CLSTN2: variants seen among roughly 807,000 people sequenced by gnomAD.
The protein encoded by CLSTN2 is calsyntenin-2.
A neutral mutation model predicts 101.2 loss-of-function variants in CLSTN2; 48 were observed. That is an observed-to-expected ratio of 0.47 (90% CI 0.38 to 0.60). The LOEUF (loss-of-function observed/expected upper bound fraction) is 0.60. Among genes scored for constraint, CLSTN2 ranks in the 20% least tolerant of loss-of-function variants. CLSTN2 has a pLI of 0.00. For synonymous variants in CLSTN2, 481 were observed against 463.6 expected, an observed-to-expected ratio of 1.04 and a Z score of -0.48; for missense variants, 1,160 against 1,238.2, an observed-to-expected ratio of 0.94 and a Z score of 0.95.
At chr3:139,967,484 G>T (rs1935620563) in intron 1 of CLSTN2, among the ~76,000 whole-genome samples, 1 of 152,260 alleles carries the variant, frequency 6.6e-6, no homozygotes, top group South Asian at 2.1e-4. Context: ...GCCAGGGAAT[G>T]GTCATGGCTG....
rs540766420 is a variant in CLSTN2 at position 140,364,344 on chromosome 3, A to C, written c.233-39285A>C. Among the ~76,000 whole-genome samples, 9 of 152,246 alleles carry C rather than the reference A, an allele frequency of 5.9e-5. No individual in the cohort carries two copies. In the East Asian group the frequency reaches 1.7e-3, roughly 29 times the overall value. On this transcript the variant is annotated intron_variant, in intron 2 of 16. Coordinates refer to ENST00000458420, the MANE Select transcript of CLSTN2 (RefSeq NM_022131.3). ...GGCTTGATGGATTCTGTCCTAGGGT[A>C]TCATTCCCTTCTAAGAACACGAGTT...
intron 2 of CLSTN2, among the ~76,000 whole-genome samples, chr3:140,212,911 C>G (rs970041649): frequency 6.6e-6 from 1 of 152,178 alleles, no homozygotes; most frequent in Non-Finnish European, 1.5e-5. Flanking sequence ...ATTGCTGGCT[C>G]TCTAGCATAG....
In CLSTN2 at chr3:140,385,567, CG is replaced by C. The variant is rs1194870264; in HGVS notation, c.233-18058del. 3.3e-5 allele frequency among the ~76,000 whole-genome samples: 5 copies of C among 151,720 alleles called. No individual in the cohort carries two copies. The East Asian group carries it at 9.7e-4, about 30-fold the overall frequency. ...GTTGTTGTTGTATTTTTAGTAGAGACGGGGTTTCACCGTGTTATCCAGGATG... is the reference window on the plus strand; with the variant it reads ...GTTGTTGTTGTATTTTTAGTAGAGACGGGTTTCACCGTGTTATCCAGGATG... On this transcript the variant is annotated intron_variant, in intron 2 of 16. Transcript: ENST00000458420.
At position 140,490,115 on chromosome 3, in the gene CLSTN2, TATACACACAC is replaced by T. The variant is rs1934322871; in HGVS notation, c.1344+23386_1344+23395del. On this transcript the variant is annotated intron_variant, in intron 8 of 16. Transcript: ENST00000458420. ...ATATATATATATATATATATATATA[TATACACACAC>T]ACACACACACACACACACACACACA... is the stretch of plus-strand genomic sequence containing the variant. 1.5e-3 allele frequency among the ~76,000 whole-genome samples: 12 copies of T among 7,756 alleles called. 3 individuals carry two copies. The highest frequency in any genetic ancestry group is 2.6e-3 in the African/African-American group (4 of 1,552). The allele number at this position is 7,756 out of a possible 152,430, so 5.1% of individuals were successfully genotyped here. A position where few individuals can be genotyped will look rare whatever the true frequency, so the allele number is the denominator to read the frequency against.
intron 2 of CLSTN2, among the ~76,000 whole-genome samples, chr3:140,337,461 T>TG (rs1351357435): frequency 6.6e-6 from 1 of 152,198 alleles, no homozygotes; most frequent in Non-Finnish European, 1.5e-5. Context: ...CCAGTTATAT[T>TG]GGAATAGGGC....
intron 1 of CLSTN2, among the ~76,000 whole-genome samples, chr3:140,026,242 T>G (rs1458546547): frequency 6.6e-6 from 1 of 152,128 alleles, no homozygotes; most frequent in African/African-American, 2.4e-5. Flanking sequence ...GACTGTAGAT[T>G]TATAGGGAAG....
chr3:140,203,321 T>G (rs2010741614), intron 2 of CLSTN2, among the ~76,000 whole-genome samples: 2 of 152,086 alleles, frequency 1.3e-5, no homozygotes, highest in African/African-American at 4.8e-5. Context: ...CTGATTGAAC[T>G]TGCTCAGTAG....
At chr3:140,018,869 A>T (rs904763403) in intron 1 of CLSTN2, among the ~76,000 whole-genome samples, 1 of 152,170 alleles carries the variant, frequency 6.6e-6, no homozygotes, top group African/African-American at 2.4e-5. Flanking sequence ...TGTTCAACTT[A>T]TGTGTTCTCT....
At chr3:139,955,938 G>A (rs913968322) in intron 1 of CLSTN2, among the ~76,000 whole-genome samples, 5 of 152,174 alleles carry the variant, frequency 3.3e-5, no homozygotes, top group Non-Finnish European at 7.4e-5. Flanking sequence ...GGGGGTGGTA[G>A]GACCCTGAGG....
intron 1 of CLSTN2, among the ~76,000 whole-genome samples, chr3:140,136,254 A>C (rs1188107351): frequency 6.6e-6 from 1 of 152,176 alleles, no homozygotes; most frequent in Non-Finnish European, 1.5e-5. Flanking sequence ...TGTAGCTGGC[A>C]CTAATGTGGT....
intron 1 of CLSTN2, among the ~76,000 whole-genome samples, chr3:140,060,972 C>T (rs544724862): frequency 3.3e-5 from 5 of 152,232 alleles, no homozygotes; most frequent in East Asian, 1.9e-4. Context: ...GAGGAGTTAA[C>T]GATCAGGACC....
At chr3:139,997,057 A>AG (rs901844401) in intron 1 of CLSTN2, among the ~76,000 whole-genome samples, 14 of 146,096 alleles carry the variant, frequency 9.6e-5, no homozygotes, top group East Asian at 4.1e-4. Context: ...CAAAAAAAAA[A>AG]AAAAAAAAAG....
At chr3:140,517,600 G>A (rs1463263519) in intron 8 of CLSTN2, among the ~76,000 whole-genome samples, 1 of 152,128 alleles carries the variant, frequency 6.6e-6, no homozygotes, top group African/African-American at 2.4e-5. Context: ...CCTGGATCTA[G>A]CCACCCAGCA....
chr3:140,505,426 G>C (rs1313959869), intron 8 of CLSTN2, among the ~76,000 whole-genome samples: 1 of 152,170 alleles, frequency 6.6e-6, no homozygotes, highest in Non-Finnish European at 1.5e-5. Flanking sequence ...GCAGCCATGT[G>C]GTTGAAGGAG....
At chr3:140,317,663 T>C (rs113699914) in intron 2 of CLSTN2, among the ~76,000 whole-genome samples, 111 of 152,310 alleles carry the variant, frequency 7.3e-4, no homozygotes, top group African/African-American at 2.4e-3. Flanking sequence ...ACTCTCTGAA[T>C]ACTATAAAGG....
chr3:140,316,233 G>A (rs1041158413), intron 2 of CLSTN2, among the ~76,000 whole-genome samples: 1 of 152,280 alleles, frequency 6.6e-6, no homozygotes, highest in Admixed American at 6.5e-5. Flanking sequence ...CAGCACAGGA[G>A]GCTGGCATGA....
intron 1 of CLSTN2, among the ~76,000 whole-genome samples, chr3:140,082,133 A>T (rs1267935190): frequency 6.6e-6 from 1 of 152,212 alleles, no homozygotes; most frequent in Non-Finnish European, 1.5e-5. Context: ...AGTGGGAGGC[A>T]AGACTACTGT....
Position 140,400,298 on chromosome 3 carries a change from C to T in CLSTN2, c.233-3331C>T, listed in dbSNP as rs117464228. On this transcript the variant is annotated intron_variant, in intron 2 of 16. Coordinates refer to ENST00000458420, the MANE Select transcript of CLSTN2 (RefSeq NM_022131.3). The stretch of plus-strand genomic sequence containing the variant: ...TTCTGAAAGCTATATGCAAATGGGG[C>T]AGCAAGACGTGGTGGACATGCGTAT... Among the ~76,000 whole-genome samples the T allele has an allele frequency of 5.1e-4, 78 of 152,320 alleles. No homozygotes were observed. The East Asian group carries it at 0.012, about 23-fold the overall frequency.
At chr3:140,361,414 A>G (rs1013336123) in intron 2 of CLSTN2, among the ~76,000 whole-genome samples, 5 of 152,208 alleles carry the variant, frequency 3.3e-5, no homozygotes, top group Non-Finnish European at 1.5e-5. Flanking sequence ...TCTCCATAAG[A>G]TGGAGACAAG....
Sources: allele counts gnomAD v4.1 joint callset (sites outside exome capture counted in the v4.1 genomes callset), GRCh38; gene constraint gnomAD v4.1.1; transcripts MANE v1.5; gene names NCBI Gene and HGNC (gene_info 2026-07-23, HGNC 2026-07-21).